ADCY8: variants seen among roughly 807,000 people sequenced by gnomAD.
The protein encoded by ADCY8 is adenylate cyclase 8.
ADCY8 carries 51 observed loss-of-function variants against 119.7 expected under a neutral mutation model. The observed-to-expected ratio is 0.43, with a 90% CI of 0.34 to 0.54. The LOEUF is 0.54. ADCY8 is among the 20% of genes least tolerant of loss of function. The pLI is 0.03. For missense variants in ADCY8, 1,383 were observed against 1,598.8 expected, an observed-to-expected ratio of 0.87 and a Z score of 2.30; for synonymous variants, 665 against 651.0, an observed-to-expected ratio of 1.02 and a Z score of -0.33.
At chr8:130,914,656 G>A (rs1488047049) in intron 5 of ADCY8, among the ~76,000 whole-genome samples, 3 of 152,112 alleles carry the variant, frequency 2.0e-5, no homozygotes, top group African/African-American at 4.8e-5. Context: ...GGAGGACCTC[G>A]GAGCATTCTT....
chr8:130,928,127 A>G (rs1389249688), intron 5 of ADCY8, among the ~76,000 whole-genome samples: 3 of 152,316 alleles, frequency 2.0e-5, no homozygotes, highest in South Asian at 4.2e-4. Flanking sequence ...GCTGCCGAAG[A>G]GAATACAGTG....
At chr8:130,883,766 A>G (rs1037011446) in intron 8 of ADCY8, among the ~76,000 whole-genome samples, 1 of 152,138 alleles carries the variant, frequency 6.6e-6, no homozygotes, top group Non-Finnish European at 1.5e-5. Context: ...CCAGTTAAGC[A>G]AGGTCGGCAC....
intron 12 of ADCY8, among the ~76,000 whole-genome samples, chr8:130,829,278 G>T (rs1816757187): frequency 6.6e-6 from 1 of 152,184 alleles, no homozygotes; most frequent in Non-Finnish European, 1.5e-5. Flanking sequence ...AAATCTTGTA[G>T]CCTCTAGCTG....
chr8:131,036,332 G>A (rs987234456), intron 1 of ADCY8, among the ~76,000 whole-genome samples: 1 of 152,158 alleles, frequency 6.6e-6, no homozygotes, highest in African/African-American at 2.4e-5. Flanking sequence ...TTTAGAAGAT[G>A]TTTACGTGTA....
Position 130,907,187 on chromosome 8 carries a change from ACTG to A in ADCY8, c.1640+2518_1640+2520del, listed in dbSNP as rs1819816024. Among the ~76,000 whole-genome samples, 7 of 152,104 alleles carry A rather than the reference ACTG, an allele frequency of 4.6e-5. No homozygotes were observed. The South Asian group carries it at 1.5e-3, about 32-fold the overall frequency. On this transcript the variant is annotated intron_variant, in intron 6 of 17. Transcript: ENST00000286355. The stretch of plus-strand genomic sequence containing the variant: ...CTAAGGCCAGCAGTTCCTACCAGGA[ACTG>A]GTAGAAAGCATCATCTTGAGTTCCA...
intron 1 of ADCY8, among the ~76,000 whole-genome samples, chr8:131,002,049 A>G (rs573113259): frequency 2.6e-5 from 4 of 152,236 alleles, no homozygotes; most frequent in Non-Finnish European, 5.9e-5. Flanking sequence ...AGAGCTTAAC[A>G]GTTTAGCTTA....
At chr8:130,899,482 G>GT (rs1819523253) in intron 7 of ADCY8, among the ~76,000 whole-genome samples, 5 of 152,148 alleles carry the variant, frequency 3.3e-5, no homozygotes, top group South Asian at 4.2e-4. Context: ...GGCACGCGCC[G>GT]GTAATCTCAG....
chr8:130,788,073 A>G (rs1303695067), intron 15 of ADCY8, among the ~76,000 whole-genome samples: 5 of 152,244 alleles, frequency 3.3e-5, no homozygotes, highest in Admixed American at 3.3e-4. Flanking sequence ...AAGATTGACA[A>G]GCTATAAACT....
intron 5 of ADCY8, among the ~76,000 whole-genome samples, chr8:130,932,820 T>C (rs1174213307): frequency 6.6e-6 from 1 of 152,006 alleles, no homozygotes; most frequent in Non-Finnish European, 1.5e-5. Context: ...CCTTTCGTGA[T>C]ATTGGCACCC....
intron 15 of ADCY8, among the ~76,000 whole-genome samples, chr8:130,786,770 G>A (rs1039440641): frequency 2.7e-4 from 41 of 152,278 alleles, no homozygotes; most frequent in African/African-American, 9.9e-4. Flanking sequence ...AATATACAGG[G>A]TAGAGGGATG....
At chr8:130,897,581 G>A (rs1245540205) in intron 7 of ADCY8, among the ~76,000 whole-genome samples, 1 of 136,148 alleles carries the variant, frequency 7.3e-6, no homozygotes, top group Non-Finnish European at 1.6e-5. Flanking sequence ...CCAAAATTTA[G>A]CTGGAGCAGA....
chr8:130,904,555 G>A lies in ADCY8; in HGVS notation c.1641-513C>T, dbSNP rs117275328. Reference sequence around the variant, plus strand: ...CAACTTGTCTATATTCTTCTCAAGGGTGATTCTGATAAGTCCATAGGGCTG... The same window carrying A: ...CAACTTGTCTATATTCTTCTCAAGGATGATTCTGATAAGTCCATAGGGCTG... On this transcript the variant is annotated intron_variant, in intron 6 of 17. Transcript: ENST00000286355. Among the ~76,000 whole-genome samples the A allele has an allele frequency of 2.5e-4, 38 of 152,230 alleles. No homozygotes were observed. The East Asian group carries it at 7.2e-3, about 29-fold the overall frequency.
At chr8:130,984,478 AG>A (rs1822336554) in intron 2 of ADCY8, among the ~76,000 whole-genome samples, 1 of 133,036 alleles carries the variant, frequency 7.5e-6, no homozygotes, top group African/African-American at 3.8e-5. Context: ...AAGTTTGTTT[AG>A]TTTTTTTTTT....
Position 130,909,747 on chromosome 8 carries a change from A to G in ADCY8, c.1601T>C (p.Val534Ala). The G allele has an allele frequency of 6.2e-7, 1 of 1,614,148 alleles. No homozygotes were observed. The highest frequency in any genetic ancestry group is 1.1e-5 in the South Asian group (1 of 91,088). ...AGATTCGAGTTTGTTTGCAATATCCACATCCCAAGACCAGACATCAAACTG... is the reference window on the plus strand; with the variant it reads ...AGATTCGAGTTTGTTTGCAATATCCGCATCCCAAGACCAGACATCAAACTG... The part of the protein sequence containing the change: ...KWQFDVWSWD[V>A]DIANKLESGG... The change falls in exon 6 of 18, where the codon GTG becomes GCG. Residue 534 changes from valine (V) to alanine (A), a missense_variant. Val to Ala is a moderately conservative substitution (Grantham distance 64). Coordinates refer to ENST00000286355, the MANE Select transcript of ADCY8 (RefSeq NM_001115.3).
chr8:130,877,458 G>C (rs1353979909), intron 8 of ADCY8, among the ~76,000 whole-genome samples: 2 of 152,212 alleles, frequency 1.3e-5, no homozygotes, highest in East Asian at 1.9e-4. Flanking sequence ...TGAATGCTCT[G>C]AGCTCTGCTG....
chr8:130,978,721 T>C (rs989898482), intron 2 of ADCY8, among the ~76,000 whole-genome samples: 1 of 152,182 alleles, frequency 6.6e-6, no homozygotes, highest in Non-Finnish European at 1.5e-5. Context: ...AAATTCTATT[T>C]AAAAATCTCC....
chr8:130,862,041 CG>C (rs1476540628), intron 9 of ADCY8, among the ~76,000 whole-genome samples: 1 of 152,128 alleles, frequency 6.6e-6, no homozygotes, highest in Non-Finnish European at 1.5e-5. Context: ...TGGAGCATGG[CG>C]TATGCTTCTT....
At chr8:130,839,537 C>T (rs1247655579) in intron 11 of ADCY8, among the ~76,000 whole-genome samples, 1 of 140,040 alleles carries the variant, frequency 7.1e-6, no homozygotes, top group Non-Finnish European at 1.6e-5. Context: ...CAGGAAGCTA[C>T]AGAAGTATTA....
intron 9 of ADCY8, among the ~76,000 whole-genome samples, chr8:130,853,542 A>G (rs984203584): frequency 9.2e-5 from 14 of 151,808 alleles, no homozygotes; most frequent in Admixed American, 7.2e-4. Context: ...TGCATAGGCT[A>G]AATGGGCAAT....
Sources: gnomAD v4.1 joint callset for allele counts (sites outside exome capture counted in the v4.1 genomes callset) on GRCh38, gnomAD v4.1.1 for gene constraint, MANE v1.5 for transcripts, NCBI Gene and HGNC (gene_info 2026-07-23, HGNC 2026-07-21) for gene names.